Variants in ELMO1 observed in about 807,000 individuals in gnomAD.
ELMO1 encodes engulfment and cell motility protein 1.
ELMO1 carries 26 observed loss-of-function variants against 98.9 expected under a neutral mutation model. The observed-to-expected ratio is 0.26, with a 90% CI of 0.19 to 0.36. ELMO1 has a LOEUF of 0.36. Ranked by LOEUF, ELMO1 falls within the 10% of genes least tolerant of loss-of-function variation. ELMO1 has a pLI of 1.00. For synonymous variants in ELMO1, 346 were observed against 346.0 expected (o/e 1.00, Z 0.00); for missense variants, 627 against 935.2 (o/e 0.67, Z 4.30).
intron 14 of ELMO1, among the ~76,000 whole-genome samples, chr7:37,106,329 T>G (rs1211075565): frequency 6.6e-6 from 1 of 152,140 alleles, no homozygotes; most frequent in African/African-American, 2.4e-5. Context: ...CTCTCGTGAC[T>G]GGGATTAGCA....
At chr7:37,009,207 G>A (rs1339149233) in intron 16 of ELMO1, among the ~76,000 whole-genome samples, 1 of 152,124 alleles carries the variant, frequency 6.6e-6, no homozygotes, top group Non-Finnish European at 1.5e-5. Flanking sequence ...CTTGTGTGCT[G>A]AGGTATCCAG....
chr7:37,163,541 T>G, intron 13 of ELMO1, among the ~76,000 whole-genome samples: 1 of 12,596 alleles, frequency 7.9e-5, no homozygotes, highest in Admixed American at 1.8e-3. Flanking sequence ...CCCCTTCCTG[T>G]GTCCATTGAT....
chr7:37,371,017 A>G (rs962118406), intron 1 of ELMO1, among the ~76,000 whole-genome samples: 3 of 152,218 alleles, frequency 2.0e-5, no homozygotes, highest in Non-Finnish European at 4.4e-5. Context: ...ACAAATGTCT[A>G]TCTCTCCTGA....
At chr7:37,349,821 G>A (rs1018741716) in intron 1 of ELMO1, among the ~76,000 whole-genome samples, 1 of 152,166 alleles carries the variant, frequency 6.6e-6, no homozygotes, top group African/African-American at 2.4e-5. Context: ...ACCGAAATAG[G>A]CTTTGGGTAA....
At chr7:36,988,950 T>A (rs1396913198) in intron 16 of ELMO1, among the ~76,000 whole-genome samples, 1 of 152,230 alleles carries the variant, frequency 6.6e-6, no homozygotes, top group South Asian at 2.1e-4. Flanking sequence ...ATTCCTCAGC[T>A]GATATGAATG....
At chr7:37,016,432 G>A (rs1177532392) in intron 15 of ELMO1, among the ~76,000 whole-genome samples, 1 of 152,076 alleles carries the variant, frequency 6.6e-6, no homozygotes, top group Admixed American at 6.5e-5. Context: ...GGCCCCAAAT[G>A]AGCGTCTGAA....
intron 5 of ELMO1, among the ~76,000 whole-genome samples, chr7:37,260,982 C>A (rs1795947430): frequency 6.6e-6 from 1 of 152,210 alleles, no homozygotes; most frequent in Non-Finnish European, 1.5e-5. Context: ...CAAATCATTT[C>A]AAATTCCTTG....
chr7:36,925,156 G>T (rs778433287), intron 16 of ELMO1, among the ~76,000 whole-genome samples: 2 of 152,238 alleles, frequency 1.3e-5, no homozygotes, highest in African/African-American at 2.4e-5. Flanking sequence ...TAAAGTTTCT[G>T]CCTGCATCCA....
intron 13 of ELMO1, among the ~76,000 whole-genome samples, chr7:37,174,395 A>C (rs910015955): frequency 2.0e-5 from 3 of 152,336 alleles, no homozygotes; most frequent in African/African-American, 7.2e-5. Flanking sequence ...AATCACCAAA[A>C]ATCGAGCCCC....
intron 16 of ELMO1, among the ~76,000 whole-genome samples, chr7:36,947,516 G>A (rs146656754): frequency 8.7e-4 from 132 of 152,296 alleles, no homozygotes; most frequent in Non-Finnish European, 1.6e-3. Flanking sequence ...TCTGGGCCAT[G>A]ACGTTGATCA....
intron 13 of ELMO1, among the ~76,000 whole-genome samples, chr7:37,171,193 C>T (rs1051181189): frequency 1.3e-5 from 2 of 151,804 alleles, no homozygotes; most frequent in Non-Finnish European, 2.9e-5. Context: ...ATCGTTAAGT[C>T]CAGAAGAGTT....
At chr7:37,382,347 T>C (rs1305399885) in intron 1 of ELMO1, among the ~76,000 whole-genome samples, 1 of 152,270 alleles carries the variant, frequency 6.6e-6, no homozygotes, top group African/African-American at 2.4e-5. Flanking sequence ...TAACATTTTA[T>C]CACAGTAACT....
intron 1 of ELMO1, among the ~76,000 whole-genome samples, chr7:37,407,105 C>A (rs1362108665): frequency 6.6e-6 from 1 of 152,182 alleles, no homozygotes; most frequent in East Asian, 1.9e-4. Flanking sequence ...CTTGACAAAA[C>A]TCAGAAGCAA....
intron 4 of ELMO1, among the ~76,000 whole-genome samples, chr7:37,292,735 G>T (rs1261947433): frequency 4.9e-5 from 4 of 82,352 alleles, no homozygotes; most frequent in African/African-American, 1.3e-4. Context: ...CGGGAGGGAG[G>T]TGGGGGGGTC....
chr7:37,220,857 A>G (rs1238105941), intron 10 of ELMO1, among the ~76,000 whole-genome samples: 2 of 152,054 alleles, frequency 1.3e-5, no homozygotes, highest in South Asian at 2.1e-4. Context: ...TCAGAATGCA[A>G]CCTTCCTGAC....
intron 1 of ELMO1, chr7:37,429,365 G>A (rs1012126171): frequency 6.6e-6 from 1 of 152,290 alleles, no homozygotes; most frequent in Non-Finnish European, 1.5e-5. Flanking sequence ...AGTCATAGAT[G>A]TGGTAGGAAG....
chr7:36,950,945 A>T (rs1787915409), intron 16 of ELMO1, among the ~76,000 whole-genome samples: 1 of 152,206 alleles, frequency 6.6e-6, no homozygotes, highest in Admixed American at 6.5e-5. Flanking sequence ...CCATCTACCC[A>T]GTTACTGAAG....
Position 37,139,591 on chromosome 7 carries a change from C to T in ELMO1, c.1087-6357G>A, listed in dbSNP as rs571358363. On this transcript the variant is annotated intron_variant, in intron 13 of 21. Transcript: ENST00000310758. ...ACAACACAAACAAATGGAAACACAT[C>T]CCATGCTCATGGATGGGTAGAATCA... Among the ~76,000 whole-genome samples the T allele has an allele frequency of 5.1e-4, 78 of 152,266 alleles. 1 individual carries two copies. The highest frequency in any genetic ancestry group is 1.8e-3 in the African/African-American group (76 of 41,560).
intron 16 of ELMO1, among the ~76,000 whole-genome samples, chr7:36,981,550 G>T (rs1791050243): frequency 6.6e-6 from 1 of 152,098 alleles, no homozygotes; most frequent in Admixed American, 6.5e-5. Context: ...TCTTCATGAA[G>T]AATTATCTGC....
Sources: allele counts gnomAD v4.1 joint callset (sites outside exome capture counted in the v4.1 genomes callset), GRCh38; gene constraint gnomAD v4.1.1; transcripts MANE v1.5; gene names NCBI Gene and HGNC (gene_info 2026-07-23, HGNC 2026-07-21).